MAF: variants seen among roughly 807,000 people sequenced by gnomAD.
The protein encoded by MAF is MAF bZIP transcription factor, also known as transcription factor Maf.
A neutral mutation model predicts 22.0 loss-of-function variants in MAF; 10 were observed. The observed-to-expected ratio is 0.45, with a 90% CI of 0.28 to 0.77. The LOEUF is 0.77. Among genes scored for constraint, MAF ranks in the 30% least tolerant of loss-of-function variants. The pLI, the probability that MAF is intolerant of heterozygous loss-of-function variation, is 0.12. For missense variants in MAF, 544 were observed against 548.4 expected (o/e 0.99, Z 0.08); for synonymous variants, 337 against 255.8 (o/e 1.32, Z -3.03).
At chr16:79,427,154 A>G in the MAF span, among the ~76,000 whole-genome samples, 5 of 152,212 alleles carry the variant, frequency 3.3e-5, no homozygotes, top group Non-Finnish European at 7.3e-5. Context: ...ACCTTTATGC[A>G]TGTTAAATTA....
At chr16:79,360,361 G>T in the MAF span, among the ~76,000 whole-genome samples, 1 of 152,148 alleles carries the variant, frequency 6.6e-6, no homozygotes, top group Non-Finnish European at 1.5e-5. Context: ...ACTGGGTTTG[G>T]TTGGATTACG....
chr16:79,487,419 G>A, the MAF span, among the ~76,000 whole-genome samples: 1 of 151,758 alleles, frequency 6.6e-6, no homozygotes, highest in African/African-American at 2.4e-5. Flanking sequence ...CAAATTCGTG[G>A]GCCTATCATG....
rs1363986551 is a variant in MAF, at chr16:79,588,494, G to A, written c.1119-2553C>T. Among the ~76,000 whole-genome samples, 2 of 151,826 alleles carry A rather than the reference G, an allele frequency of 1.3e-5. 1 individual carries two copies. Among genetic ancestry groups the A allele is most frequent in the East Asian group, 3.9e-4 (2 of 5,178 alleles). ...GTTTTGCCCAGGCTTGAGTGCAGTG[G>A]CGCAATCTGGGCTTACTGCAACCTC... On this transcript the variant is annotated intron_variant, in intron 1 of 1. Transcript: ENST00000569649.
the MAF span, among the ~76,000 whole-genome samples, chr16:79,328,556 G>A: frequency 6.6e-6 from 1 of 152,144 alleles, no homozygotes; most frequent in Admixed American, 6.5e-5. Context: ...AGAGCAAGAG[G>A]GAGCTAATTC....
At chr16:79,224,031 A>G in the MAF span, among the ~76,000 whole-genome samples, 2 of 152,204 alleles carry the variant, frequency 1.3e-5, no homozygotes, top group African/African-American at 4.8e-5. Context: ...TCATCCTGAT[A>G]CCAAAACCTG....
At chr16:79,546,991 G>A in the MAF span, among the ~76,000 whole-genome samples, 8 of 152,294 alleles carry the variant, frequency 5.3e-5, no homozygotes, top group South Asian at 4.1e-4. Flanking sequence ...GGTGATGACA[G>A]AACATTTTAA....
chr16:79,541,369 T>C, the MAF span, among the ~76,000 whole-genome samples: 2 of 152,092 alleles, frequency 1.3e-5, no homozygotes, highest in Non-Finnish European at 2.9e-5. Flanking sequence ...TTTGTACCCG[T>C]AACCCAAACC....
the MAF span, among the ~76,000 whole-genome samples, chr16:79,565,507 G>GC: frequency 7.5e-5 from 6 of 79,936 alleles, no homozygotes; most frequent in South Asian, 3.6e-4. Context: ...CACGTGTTGT[G>GC]GGGGGGGGGA....
the MAF span, among the ~76,000 whole-genome samples, chr16:79,493,877 A>G: frequency 3.4e-4 from 51 of 149,992 alleles, no homozygotes; most frequent in Non-Finnish European, 6.7e-4. Context: ...CTTAGTCTCT[A>G]TTCTTGGTGG....
the MAF span, among the ~76,000 whole-genome samples, chr16:79,429,866 G>A: frequency 6.6e-6 from 1 of 152,142 alleles, no homozygotes; most frequent in African/African-American, 2.4e-5. Flanking sequence ...AACCCCCCAG[G>A]AAAGGTGTCA....
chr16:79,348,167 G>A, the MAF span, among the ~76,000 whole-genome samples: 2 of 152,228 alleles, frequency 1.3e-5, no homozygotes, highest in African/African-American at 2.4e-5. Context: ...CTCAGAGGGG[G>A]AAAGAAGTTC....
the MAF span, among the ~76,000 whole-genome samples, chr16:79,258,397 G>C: frequency 1.3e-5 from 2 of 152,204 alleles, no homozygotes; most frequent in Non-Finnish European, 2.9e-5. Context: ...GAGTCTCTAA[G>C]CGGACATGGG....
the MAF span, among the ~76,000 whole-genome samples, chr16:79,562,591 G>T: frequency 6.6e-6 from 1 of 152,158 alleles, no homozygotes; most frequent in Non-Finnish European, 1.5e-5. Flanking sequence ...TTTCAGCCTT[G>T]TCCCTGAACA....
the MAF span, among the ~76,000 whole-genome samples, chr16:79,214,548 G>A: frequency 1.3e-5 from 2 of 151,846 alleles, no homozygotes; most frequent in Non-Finnish European, 2.9e-5. Flanking sequence ...TGGGATTACA[G>A]GTACACACCA....
chr16:79,470,429 C>A, the MAF span, among the ~76,000 whole-genome samples: 2 of 152,244 alleles, frequency 1.3e-5, no homozygotes, highest in South Asian at 4.1e-4. Flanking sequence ...AAAGAGCTGC[C>A]CACTCCACTG....
the MAF span, among the ~76,000 whole-genome samples, chr16:79,480,469 C>T: frequency 6.6e-6 from 1 of 151,688 alleles, no homozygotes; most frequent in East Asian, 1.9e-4. Context: ...ACGAGTCTTC[C>T]TCTAAGCCAC....
chr16:79,431,857 T>G, the MAF span, among the ~76,000 whole-genome samples: 5 of 152,186 alleles, frequency 3.3e-5, no homozygotes, highest in Non-Finnish European at 7.4e-5. Flanking sequence ...CAGCAGGACT[T>G]TGTTTCCTTA....
At chr16:79,348,465 C>T in the MAF span, among the ~76,000 whole-genome samples, 1 of 152,190 alleles carries the variant, frequency 6.6e-6, no homozygotes, top group Non-Finnish European at 1.5e-5. Context: ...AGTGTCCCTT[C>T]TGGGACACGT....
chr16:79,562,677 C>T, the MAF span, among the ~76,000 whole-genome samples: 2 of 152,148 alleles, frequency 1.3e-5, no homozygotes, highest in Non-Finnish European at 2.9e-5. Flanking sequence ...CTCTCTAATC[C>T]TCATTCTTAA....
Sources: gnomAD v4.1 joint callset for allele counts (sites outside exome capture counted in the v4.1 genomes callset) on GRCh38, gnomAD v4.1.1 for gene constraint, MANE v1.5 for transcripts, NCBI Gene and HGNC (gene_info 2026-07-23, HGNC 2026-07-21) for gene names.